Variants in USH2A observed in about 807,000 individuals in gnomAD.
USH2A encodes Usher syndrome 2A (autosomal recessive, mild).
Under a neutral mutation model 538.9 loss-of-function variants are expected in USH2A, and 443 were observed. The ratio of observed to expected loss-of-function variants is 0.82; its 90% CI spans 0.76 to 0.89. The LOEUF is 0.89. Ranked by LOEUF, USH2A falls within the 40% of genes least tolerant of loss-of-function variation. The pLI is 0.00. For synonymous variants in USH2A, 2,413 were observed against 2,273.5 expected (o/e 1.06, Z -1.75); for missense variants, 6,633 against 6,324.8 (o/e 1.05, Z -1.65).
intron 43 of USH2A, among the ~76,000 whole-genome samples, chr1:215,873,224 G>A (rs1664669229): frequency 6.6e-6 from 1 of 152,066 alleles, no homozygotes; most frequent in Non-Finnish European, 1.5e-5. Context: ...GCTATGAGAT[G>A]GCATACTAGT....
chr1:216,275,776 G>C (rs896512117), intron 11 of USH2A, among the ~76,000 whole-genome samples: 1 of 152,040 alleles, frequency 6.6e-6, no homozygotes, highest in Non-Finnish European at 1.5e-5. Flanking sequence ...GGAATGTGTC[G>C]ATTCCAATAA....
chr1:216,269,792 G>A (rs542948133), intron 11 of USH2A, among the ~76,000 whole-genome samples: 14 of 152,214 alleles, frequency 9.2e-5, no homozygotes, highest in African/African-American at 3.4e-4. Context: ...AAGTCTGCTG[G>A]CCTAGGCTCT....
chr1:216,241,764 C>T (rs2035942417), intron 13 of USH2A, among the ~76,000 whole-genome samples: 1 of 152,108 alleles, frequency 6.6e-6, no homozygotes, highest in Non-Finnish European at 1.5e-5. Flanking sequence ...AAACTCTTGA[C>T]CTCAGGTGAT....
At chr1:216,126,689 CAAT>C (rs969408136) in intron 21 of USH2A, among the ~76,000 whole-genome samples, 5 of 151,464 alleles carry the variant, frequency 3.3e-5, no homozygotes, top group African/African-American at 4.9e-5. Flanking sequence ...CTAATTTTTG[CAAT>C]AATAATAATA....
chr1:216,401,205 G>A (rs1417687067), intron 3 of USH2A, among the ~76,000 whole-genome samples: 1 of 152,062 alleles, frequency 6.6e-6, no homozygotes, highest in African/African-American at 2.4e-5. Context: ...CACTTTAATG[G>A]AAGTAGTAAT....
intron 16 of USH2A, among the ~76,000 whole-genome samples, chr1:216,207,037 G>C (rs917774553): frequency 6.6e-6 from 1 of 151,858 alleles, no homozygotes; most frequent in Non-Finnish European, 1.5e-5. Context: ...TCTTGATGGG[G>C]TCATTTTTTT....
chr1:215,838,449 T>G (rs535794596), intron 46 of USH2A, among the ~76,000 whole-genome samples: 1 of 152,300 alleles, frequency 6.6e-6, no homozygotes, highest in South Asian at 2.1e-4. Context: ...AGGTTATCAC[T>G]GCTCACTGTT....
chr1:216,123,809 CTAAATA>C (rs1390598767), intron 21 of USH2A, among the ~76,000 whole-genome samples: 2 of 152,080 alleles, frequency 1.3e-5, no homozygotes, highest in Non-Finnish European at 2.9e-5. Context: ...GGTAGCCCAC[CTAAATA>C]TAAGTTAAAC....
intron 4 of USH2A, among the ~76,000 whole-genome samples, chr1:216,337,029 A>G (rs1468408849): frequency 6.6e-6 from 1 of 151,560 alleles, no homozygotes; most frequent in Non-Finnish European, 1.5e-5. Context: ...TCAAATGTCT[A>G]CAATTCACAG....
In USH2A at chr1:215,900,852, G is replaced by A. The variant is rs1158220594; in HGVS notation, c.7354C>T (p.Gln2452Ter). The A allele has an allele frequency of 6.2e-7, 1 of 1,613,682 alleles. No individual in the cohort carries two copies. Among genetic ancestry groups the A allele is most frequent in the African/African-American group, 1.3e-5 (1 of 74,904 alleles). Residue 2452 changes from glutamine (Q) to a stop codon, truncating the protein, a stop_gained, in exon 39 of 72, where the codon CAG becomes TAG. Coordinates refer to ENST00000307340, the MANE Select transcript of USH2A (RefSeq NM_206933.4). LOFTEE classifies it high-confidence loss of function. Reference sequence around the variant, plus strand: ...CGAGCTGGTGTAGACCAGACAACCTGAAGACTGGTTGGAGTGGCAGATGAA... The same window carrying A: ...CGAGCTGGTGTAGACCAGACAACCTAAAGACTGGTTGGAGTGGCAGATGAA... ...RLSSATPTSL[Q>*]VVWSTPARNN...
intron 60 of USH2A, among the ~76,000 whole-genome samples, chr1:215,738,683 G>C (rs931191711): frequency 6.6e-6 from 1 of 152,170 alleles, no homozygotes; most frequent in Non-Finnish European, 1.5e-5. Flanking sequence ...TGAGAAGAGA[G>C]TGGCAAACAA....
intron 32 of USH2A, among the ~76,000 whole-genome samples, chr1:216,002,838 A>G (rs1485011582): frequency 1.3e-5 from 2 of 152,152 alleles, no homozygotes; most frequent in Non-Finnish European, 2.9e-5. Flanking sequence ...AGACTTGCAT[A>G]TCTGGAACTT....
At position 215,675,611 on chromosome 1, in the gene USH2A, G is replaced by C. The variant is rs1657997730; in HGVS notation, c.12300C>G (p.Tyr4100Ter). ...CCAGGAACCCGTCACTGAAGATGTT[G>C]TATGTCTACAGAAGGACAGAAGCAA... ...PMRTNGVIKT[Y>*]NIFSDGFLEY... Residue 4100 changes from tyrosine to a stop codon, truncating the protein, a stop_gained, in exon 63 of 72, where the codon TAC becomes TAG. Coordinates refer to ENST00000307340, the MANE Select transcript of USH2A (RefSeq NM_206933.4). LOFTEE classifies it high-confidence loss of function. The C allele has an allele frequency of 3.1e-6, 5 of 1,614,088 alleles. No homozygotes were observed. The highest frequency in any genetic ancestry group is 4.2e-6 in the Non-Finnish European group (5 of 1,179,992).
intron 13 of USH2A, among the ~76,000 whole-genome samples, chr1:216,244,051 T>C (rs962332006): frequency 5.0e-5 from 5 of 99,612 alleles, no homozygotes; most frequent in African/African-American, 2.0e-4. Flanking sequence ...TTAAACCACC[T>C]CTTAAAACAC....
chr1:216,191,568 C>A (rs548019303), intron 19 of USH2A, among the ~76,000 whole-genome samples: 2 of 151,890 alleles, frequency 1.3e-5, no homozygotes, highest in African/African-American at 4.8e-5. Context: ...AGAAAAACAT[C>A]AAATACCAAG....
intron 55 of USH2A, among the ~76,000 whole-genome samples, chr1:215,779,080 T>C (rs1390759669): frequency 2.0e-5 from 3 of 152,092 alleles, no homozygotes; most frequent in African/African-American, 7.2e-5. Flanking sequence ...TACATTCAAG[T>C]GTGGAGAGAC....
In USH2A at chr1:216,320,848, A is replaced by G. The variant is rs114986068; in HGVS notation, c.1644+1035T>C. Reference sequence around the variant, plus strand: ...CTTTACCTGTTAACATGATGCAAATATTTTCTATCAATCCATCATTTATCA... The same window carrying G: ...CTTTACCTGTTAACATGATGCAAATGTTTTCTATCAATCCATCATTTATCA... On this transcript the variant is annotated intron_variant, in intron 9 of 71. Coordinates refer to ENST00000307340, the MANE Select transcript of USH2A (RefSeq NM_206933.4). 7.9e-3 allele frequency among the ~76,000 whole-genome samples: 1,200 copies of G among 152,148 alleles called. 7 individuals are homozygous for G. Among genetic ancestry groups the G allele is most frequent in the Middle Eastern group, 0.014 (4 of 294 alleles).
At chr1:215,814,509 G>A (rs1662801417) in intron 48 of USH2A, among the ~76,000 whole-genome samples, 1 of 152,050 alleles carries the variant, frequency 6.6e-6, no homozygotes, top group Admixed American at 6.6e-5. Flanking sequence ...TTTCTAGCAT[G>A]AAAGATTGGA....
At chr1:216,167,040 A>T (rs1300314050) in intron 21 of USH2A, among the ~76,000 whole-genome samples, 2 of 152,122 alleles carry the variant, frequency 1.3e-5, no homozygotes, top group Non-Finnish European at 2.9e-5. Flanking sequence ...GAAACTGCTC[A>T]TCAGTCAAGG....
Sources: allele counts gnomAD v4.1 joint callset (sites outside exome capture counted in the v4.1 genomes callset), GRCh38; gene constraint gnomAD v4.1.1; transcripts MANE v1.5; gene names NCBI Gene and HGNC (gene_info 2026-07-23, HGNC 2026-07-21).